Variants in INTS13 observed in about 807,000 individuals in gnomAD.
INTS13 encodes asunder, spermatogenesis regulator homolog (Drosphila).
In INTS13, 35 loss-of-function variants were observed where a neutral mutation model predicts 90.2. The observed-to-expected ratio is 0.39, with a 90% CI of 0.30 to 0.51. The LOEUF is 0.51. Ranked by LOEUF, INTS13 falls within the 20% of genes least tolerant of loss-of-function variation. INTS13 has a pLI of 0.80. For synonymous variants in INTS13, 309 were observed against 277.1 expected (o/e 1.11, Z -1.14); for missense variants, 601 against 851.2 (o/e 0.71, Z 3.66).
intron 1 of INTS13, among the ~76,000 whole-genome samples, chr12:26,937,102 A>G (rs567852424): frequency 1.3e-5 from 2 of 152,334 alleles, no homozygotes; most frequent in South Asian, 4.1e-4. Flanking sequence ...AGAGGGAAAC[A>G]TTTTGACATT....
Position 26,906,427 on chromosome 12 carries a change from C to T in INTS13, c.1956G>A (p.Ser652=), listed in dbSNP as rs199617500. The change falls in exon 16 of 17, where the codon TCG becomes TCA. Residue 652 remains serine, a synonymous_variant. Transcript: ENST00000261191. ...TTCTATTACTCCACAAGGATAATAACGACACTGGCCCTAGTGTTATATTTA... is the reference window on the plus strand; with the variant it reads ...TTCTATTACTCCACAAGGATAATAATGACACTGGCCCTAGTGTTATATTTA... ...PQVEKSKGPV[S]LLSLWSNRIN... 47 of 1,607,288 alleles carry T rather than the reference C, an allele frequency of 2.9e-5. No individual in the cohort carries two copies. Among genetic ancestry groups the T allele is most frequent in the African/African-American group, 2.7e-5 (2 of 74,530 alleles).
chr12:26,907,097 C>A (rs141468157), intron 15 of INTS13, among the ~76,000 whole-genome samples: 42 of 152,316 alleles, frequency 2.8e-4, no homozygotes, highest in African/African-American at 9.9e-4. Context: ...ATAATAGTCT[C>A]AGGCCTGCTA....
intron 14 of INTS13, 142 bp downstream of exon 14, chr12:26,913,315 T>A: frequency 1.5e-6 from 1 of 668,496 alleles, no homozygotes; most frequent in Non-Finnish European, 2.5e-6. Flanking sequence ...ATTTTAAGAA[T>A]GATAAAATTA....
chr12:26,918,202 T>C (rs1223108474), intron 8 of INTS13, among the ~76,000 whole-genome samples: 1 of 152,136 alleles, frequency 6.6e-6, no homozygotes, highest in East Asian at 1.9e-4. Flanking sequence ...ACCGGAACTC[T>C]GTACTGTCTT....
At chr12:26,914,269 T>G (rs1006791773) in intron 12 of INTS13, 139 bp downstream of exon 12, 22 of 1,186,502 alleles carry the variant, frequency 1.9e-5, no homozygotes, top group Non-Finnish European at 2.4e-5. Flanking sequence ...AATTTTTAAT[T>G]ATTAATTCTT....
intron 6 of INTS13, 120 bp from the exon 7 acceptor site, chr12:26,924,603 A>ACCC: frequency 9.2e-7 from 1 of 1,090,198 alleles, no homozygotes; most frequent in African/African-American, 1.6e-5. Flanking sequence ...GAAGTTGGAA[A>ACCC]AAAAGGATCC....
rs1176717255 is a variant in INTS13, at chr12:26,917,741, A to G, written c.890-8T>C. 1.2e-6 allele frequency: 2 copies of G among 1,606,628 alleles called. No individual in the cohort carries two copies. Among genetic ancestry groups the G allele is most frequent in the Admixed American group, 3.3e-5 (2 of 60,018 alleles). On this transcript the variant is annotated splice_polypyrimidine_tract_variant and splice_region_variant and intron_variant, in intron 8 of 16. Coordinates refer to ENST00000261191, the MANE Select transcript of INTS13 (RefSeq NM_018164.3). Reference sequence around the variant, plus strand: ...CACCTAGATGCGAATCACCTTTAAAAATATGTCAGAGACATTACACATTGT... The same window carrying G: ...CACCTAGATGCGAATCACCTTTAAAGATATGTCAGAGACATTACACATTGT...
At chr12:26,922,170 T>C (rs910660581) in intron 8 of INTS13, among the ~76,000 whole-genome samples, 4 of 152,196 alleles carry the variant, frequency 2.6e-5, no homozygotes, top group Admixed American at 1.3e-4. Context: ...CGAGGTATCA[T>C]AGTGCTTGTG....
intron 5 of INTS13, among the ~76,000 whole-genome samples, chr12:26,927,190 C>G (rs911197371): frequency 6.6e-6 from 1 of 152,200 alleles, no homozygotes; most frequent in Non-Finnish European, 1.5e-5. Flanking sequence ...CCCATCAGAA[C>G]AAAGTATTGA....
Position 26,924,460 on chromosome 12 carries a change from T to C in INTS13, c.699A>G (p.Glu233=), listed in dbSNP as rs181995972. Residue 233 remains glutamate, a synonymous_variant, in exon 7 of 17, where the codon GAA becomes GAG. Transcript: ENST00000261191. The part of the protein sequence containing the change: ...KKELSPVLTS[E]VHSVRAGRHL... ...GCCGTCCTGCACGAACACTATGAACTTCACTGGTTAAAACCGGGGACAACT... is the reference window on the plus strand; with the variant it reads ...GCCGTCCTGCACGAACACTATGAACCTCACTGGTTAAAACCGGGGACAACT... The C allele has an allele frequency of 1.6e-5, 26 of 1,609,134 alleles. No individual in the cohort carries two copies. The highest frequency in any genetic ancestry group is 2.1e-5 in the Non-Finnish European group (25 of 1,177,360).
At chr12:26,922,495 C>G (rs1364854615) in intron 8 of INTS13, 121 bp downstream of exon 8, 5 of 601,454 alleles carry the variant, frequency 8.3e-6, no homozygotes, top group Non-Finnish European at 1.4e-5. Flanking sequence ...GGTTCGAGAC[C>G]ATCTGAGATT....
intron 8 of INTS13, 66 bp downstream of exon 8, chr12:26,922,550 G>A: frequency 2.5e-6 from 3 of 1,218,982 alleles, no homozygotes; most frequent in South Asian, 1.5e-5. Context: ...CTGAGGATGT[G>A]GGGGCTACTG....
chr12:26,924,843 C>T (rs767141870), intron 6 of INTS13, among the ~76,000 whole-genome samples: 3 of 151,922 alleles, frequency 2.0e-5, no homozygotes, highest in Non-Finnish European at 2.9e-5. Flanking sequence ...AAGTACACTG[C>T]AGAAAAAATA....
chr12:26,932,466 C>T (rs1228640242), intron 3 of INTS13, among the ~76,000 whole-genome samples: 1 of 152,190 alleles, frequency 6.6e-6, no homozygotes, highest in East Asian at 1.9e-4. Flanking sequence ...ACTACATCTC[C>T]CCTACCCCAC....
intron 5 of INTS13, among the ~76,000 whole-genome samples, chr12:26,927,691 A>G (rs918611142): frequency 2.0e-5 from 3 of 152,180 alleles, no homozygotes; most frequent in East Asian, 3.9e-4. Flanking sequence ...TCTCGGTTCA[A>G]TGCAACCTCT....
chr12:26,916,291 T>G, intron 10 of INTS13, 111 bp from the exon 11 acceptor site: 1 of 968,586 alleles, frequency 1.0e-6, no homozygotes, highest in Non-Finnish European at 1.5e-6. Context: ...CCCCGTATTT[T>G]AACCAGCATT....
chr12:26,929,216 C>G (rs528755837), intron 3 of INTS13, among the ~76,000 whole-genome samples: 1 of 152,122 alleles, frequency 6.6e-6, no homozygotes, highest in East Asian at 1.9e-4. Flanking sequence ...GATCCAAAAC[C>G]TTTTCATAAT....
rs1453530721 is a variant in INTS13, at chr12:26,914,236, A to T, written c.1420-108T>A. ...AAGGATTTTAAAGATTATCATGGTG[A>T]AGGAATCTATAACTATCACTTCAAT... On this transcript the variant is annotated intron_variant, in intron 12 of 16. Coordinates refer to ENST00000261191, the MANE Select transcript of INTS13 (RefSeq NM_018164.3). 3.3e-6 allele frequency: 4 copies of T among 1,208,956 alleles called. No homozygotes were observed. The Admixed American group carries it at 1.3e-4, about 38-fold the overall frequency. The allele number at this position is 1,208,956 out of a possible 1,614,324, so 74.9% of individuals were successfully genotyped here.
At chr12:26,937,498 T>C (rs1489546621) in intron 1 of INTS13, among the ~76,000 whole-genome samples, 1 of 152,186 alleles carries the variant, frequency 6.6e-6, no homozygotes. Context: ...TTTAAAACTT[T>C]TAAAACTTTT....
Sources: allele counts gnomAD v4.1 joint callset (sites outside exome capture counted in the v4.1 genomes callset), GRCh38; gene constraint gnomAD v4.1.1; transcripts MANE v1.5; gene names NCBI Gene and HGNC (gene_info 2026-07-23, HGNC 2026-07-21).